DSCAM: variants seen among roughly 807,000 people sequenced by gnomAD.
DSCAM encodes the protein DS cell adhesion molecule, also known as cell adhesion molecule DSCAM.
DSCAM carries 47 observed loss-of-function variants against 217.7 expected under a neutral mutation model. That is an observed-to-expected ratio of 0.22 (90% CI 0.17 to 0.28). DSCAM has a LOEUF of 0.28. Among genes scored for constraint, DSCAM ranks in the 10% least tolerant of loss-of-function variants. The pLI, the probability that DSCAM is intolerant of heterozygous loss-of-function variation, is 1.00. For synonymous variants in DSCAM, 1,056 were observed against 1,015.3 expected (o/e 1.04, Z -0.76); for missense variants, 2,080 against 2,618.3 (o/e 0.79, Z 4.49).
Position 40,062,856 on chromosome 21 carries a change from G to C in DSCAM, c.4919+13C>G, listed in dbSNP as rs774812703. On this transcript the variant is annotated intron_variant, in intron 28 of 32. Coordinates refer to ENST00000400454, the MANE Select transcript of DSCAM (RefSeq NM_001389.5). ...TCAAACATGATATCTGGGGTGCTAG[G>C]TCTTGTTCTTACCTCATGAGCATTT... 6.3e-7 allele frequency: 1 copy of C among 1,587,966 alleles called. No homozygotes were observed.
chr21:40,503,814 G>A (rs4816685), intron 3 of DSCAM, among the ~76,000 whole-genome samples: 13,224 of 152,234 alleles, frequency 0.087, 672 homozygotes, highest in Middle Eastern at 0.16. Flanking sequence ...TTTTAGTTTT[G>A]GCTGGATAGT....
chr21:40,033,508 T>G (rs1427454929), intron 32 of DSCAM, among the ~76,000 whole-genome samples: 3 of 151,578 alleles, frequency 2.0e-5, no homozygotes, highest in Non-Finnish European at 4.4e-5. Context: ...ATCCCGCACC[T>G]GGCTTGGAGG....
chr21:40,682,241 T>C (rs988828495), intron 3 of DSCAM, among the ~76,000 whole-genome samples: 12 of 151,992 alleles, frequency 7.9e-5, no homozygotes, highest in Non-Finnish European at 1.8e-4. Context: ...AGGTCCGAAG[T>C]TGGGGTCACA....
intron 3 of DSCAM, among the ~76,000 whole-genome samples, chr21:40,661,462 C>T (rs1484032653): frequency 1.3e-5 from 2 of 152,074 alleles, no homozygotes; most frequent in Non-Finnish European, 1.5e-5. Context: ...CAAAAATAAC[C>T]CTCACAAAAT....
intron 3 of DSCAM, among the ~76,000 whole-genome samples, chr21:40,636,607 C>T (rs1232056565): frequency 6.6e-6 from 1 of 151,980 alleles, no homozygotes; most frequent in Non-Finnish European, 1.5e-5. Context: ...GAAAAATATG[C>T]CTTGGCATCA....
intron 32 of DSCAM, among the ~76,000 whole-genome samples, chr21:40,015,280 C>G (rs963526508): frequency 4.6e-5 from 7 of 152,282 alleles, no homozygotes; most frequent in Non-Finnish European, 7.4e-5. Flanking sequence ...CATCCCCTCC[C>G]AATCCCAAAT....
At chr21:40,418,412 G>A (rs777144946) in intron 3 of DSCAM, among the ~76,000 whole-genome samples, 2 of 152,176 alleles carry the variant, frequency 1.3e-5, no homozygotes, top group Non-Finnish European at 2.9e-5. Flanking sequence ...AAAAAACTAT[G>A]ATATCTGTAA....
At chr21:40,803,498 C>T (rs979912161) in intron 1 of DSCAM, among the ~76,000 whole-genome samples, 2 of 152,144 alleles carry the variant, frequency 1.3e-5, no homozygotes, top group Admixed American at 1.3e-4. Flanking sequence ...TCTGATCAAT[C>T]GTGTGATGTT....
At chr21:40,015,532 C>T (rs2146408272) in intron 32 of DSCAM, among the ~76,000 whole-genome samples, 1 of 152,022 alleles carries the variant, frequency 6.6e-6, no homozygotes, top group South Asian at 2.1e-4. Flanking sequence ...TGGGCTCAAG[C>T]AAACCTTCCA....
chr21:40,574,471 C>A (rs1353810152), intron 3 of DSCAM, among the ~76,000 whole-genome samples: 1 of 152,170 alleles, frequency 6.6e-6, no homozygotes, highest in Non-Finnish European at 1.5e-5. Flanking sequence ...AGAACTTTCA[C>A]AATCTGATAA....
At chr21:40,249,750 C>T (rs891795000) in intron 11 of DSCAM, among the ~76,000 whole-genome samples, 3 of 152,104 alleles carry the variant, frequency 2.0e-5, no homozygotes, top group Non-Finnish European at 2.9e-5. Flanking sequence ...CTTTAGGAAA[C>T]ACAGAGTTGA....
intron 27 of DSCAM, 66 bp downstream of exon 27, chr21:40,074,971 C>T (rs1390713918): frequency 7.8e-6 from 12 of 1,541,508 alleles, no homozygotes; most frequent in Admixed American, 3.7e-5. Context: ...CTCCAGCTGG[C>T]ATCTCTCCCA....
At chr21:40,358,762 A>G (rs914910972) in intron 4 of DSCAM, among the ~76,000 whole-genome samples, 1 of 150,980 alleles carries the variant, frequency 6.6e-6, no homozygotes, top group Non-Finnish European at 1.5e-5. Flanking sequence ...AGATCATGCC[A>G]CTGCATTCCA....
At chr21:40,554,418 A>ATGGGG (rs2076654930) in intron 3 of DSCAM, among the ~76,000 whole-genome samples, 1 of 152,154 alleles carries the variant, frequency 6.6e-6, no homozygotes. Context: ...GGCCAGTACC[A>ATGGGG]TGGGGAAAGT....
intron 10 of DSCAM, among the ~76,000 whole-genome samples, chr21:40,276,985 G>A (rs62223766): frequency 6.6e-6 from 1 of 151,956 alleles, no homozygotes; most frequent in Non-Finnish European, 1.5e-5. Flanking sequence ...AAAAAAAAAG[G>A]ATTTTAGAAA....
At chr21:40,572,553 G>A (rs1234812016) in intron 3 of DSCAM, among the ~76,000 whole-genome samples, 1 of 152,048 alleles carries the variant, frequency 6.6e-6, no homozygotes, top group Non-Finnish European at 1.5e-5. Flanking sequence ...AAAATAAAAT[G>A]TTGAAAACTG....
intron 11 of DSCAM, among the ~76,000 whole-genome samples, chr21:40,263,458 A>G (rs934600016): frequency 2.1e-4 from 32 of 152,332 alleles, no homozygotes; most frequent in African/African-American, 7.7e-4. Context: ...CCTCTGAATG[A>G]TTTTGGGGTT....
At chr21:40,390,389 C>T (rs759179535) in intron 3 of DSCAM, among the ~76,000 whole-genome samples, 1 of 152,126 alleles carries the variant, frequency 6.6e-6, no homozygotes, top group Non-Finnish European at 1.5e-5. Context: ...AAAAATAAGA[C>T]CTGAATAATT....
rs184981814 is a variant in DSCAM, at chr21:40,138,734, G to A, written c.3406+3824C>T. Among the ~76,000 whole-genome samples the A allele has an allele frequency of 6.9e-4, 98 of 142,908 alleles. 1 individual carries two copies. The highest frequency in any genetic ancestry group is 2.4e-3 in the African/African-American group (93 of 38,204). 93.8% of individuals were successfully genotyped at this position (142,908 alleles called of 152,430 possible). ...TGTGTGTGGTGTGTATGTATGTGGT[G>A]TGCAGTATATGTGGGCTGTATGTGT... is the stretch of plus-strand genomic sequence containing the variant. On this transcript the variant is annotated intron_variant, in intron 18 of 32. Coordinates refer to ENST00000400454, the MANE Select transcript of DSCAM (RefSeq NM_001389.5).
Sources: gnomAD v4.1 joint callset for allele counts (sites outside exome capture counted in the v4.1 genomes callset) on GRCh38, gnomAD v4.1.1 for gene constraint, MANE v1.5 for transcripts, NCBI Gene and HGNC (gene_info 2026-07-23, HGNC 2026-07-21) for gene names.